Variants in FBXL17 observed in about 807,000 individuals in gnomAD.
FBXL17 encodes F-box and leucine rich repeat protein 17, also known as F-box/LRR-repeat protein 17.
Under a neutral mutation model 66.2 loss-of-function variants are expected in FBXL17, and 22 were observed. The ratio of observed to expected loss-of-function variants is 0.33; its 90% CI spans 0.24 to 0.47. The LOEUF (loss-of-function observed/expected upper bound fraction) is 0.47, where lower values mean the gene tolerates loss of function less well. Ranked by LOEUF, FBXL17 falls within the 20% of genes least tolerant of loss-of-function variation. FBXL17 has a pLI of 1.00. For synonymous variants in FBXL17, 474 were observed against 400.5 expected, an observed-to-expected ratio of 1.18 and a Z score of -2.19; for missense variants, 878 against 948.2, an observed-to-expected ratio of 0.93 and a Z score of 0.97.
chr5:108,259,486 C>T (rs1019599769), intron 4 of FBXL17, among the ~76,000 whole-genome samples: 1 of 152,172 alleles, frequency 6.6e-6, no homozygotes, highest in African/African-American at 2.4e-5. Context: ...GACCTGCCAG[C>T]TGCTGGCTGT....
In FBXL17 at chr5:107,861,580, G is replaced by T; in HGVS notation, c.*140C>A. 1 of 731,020 alleles carries T rather than the reference G, an allele frequency of 1.4e-6. No homozygotes were observed. Among genetic ancestry groups the T allele is most frequent in the Non-Finnish European group, 1.9e-6 (1 of 526,852 alleles). 45.3% of individuals were successfully genotyped at this position (731,020 alleles called of 1,614,324 possible). ...CAACTGCACTTTTGGTATGCAGTAT[G>T]CAAACAAGACACAAATACACATACT... On this transcript the variant is annotated 3_prime_UTR_variant, in exon 9 of 9. Coordinates refer to ENST00000542267, the MANE Select transcript of FBXL17 (RefSeq NM_001163315.3).
chr5:108,279,749 A>C (rs1757627382), intron 4 of FBXL17, among the ~76,000 whole-genome samples: 1 of 152,008 alleles, frequency 6.6e-6, no homozygotes, highest in African/African-American at 2.4e-5. Context: ...ATTAATGAAA[A>C]ATTTACCAAC....
At chr5:107,975,863 T>TC (rs869062949) in intron 7 of FBXL17, among the ~76,000 whole-genome samples, 1 of 26,684 alleles carries the variant, frequency 3.7e-5, no homozygotes, top group African/African-American at 1.4e-4. Flanking sequence ...TGTTGTTTTT[T>TC]TTTTTTTTTT....
intron 5 of FBXL17, among the ~76,000 whole-genome samples, chr5:108,216,205 A>G (rs897317762): frequency 1.3e-5 from 2 of 152,044 alleles, no homozygotes; most frequent in African/African-American, 2.4e-5. Context: ...AATAATTTCA[A>G]TATCAGATTT....
chr5:107,918,141 G>T (rs1750195092), intron 7 of FBXL17, among the ~76,000 whole-genome samples: 1 of 152,162 alleles, frequency 6.6e-6, no homozygotes, highest in African/African-American at 2.4e-5. Flanking sequence ...CCTCAGGAAT[G>T]CAGGCAGCTC....
intron 7 of FBXL17, among the ~76,000 whole-genome samples, chr5:107,941,310 T>G (rs1369291215): frequency 6.6e-6 from 1 of 152,186 alleles, no homozygotes; most frequent in Non-Finnish European, 1.5e-5. Flanking sequence ...TGATTCTCTA[T>G]CATTGCATCT....
At chr5:107,991,020 TTACAGA>T (rs1465261918) in intron 7 of FBXL17, among the ~76,000 whole-genome samples, 3 of 112,496 alleles carry the variant, frequency 2.7e-5, no homozygotes, top group Non-Finnish European at 6.1e-5. Context: ...AAAGGGCTAG[TTACAGA>T]CATAAACGCA....
At chr5:108,192,184 C>T (rs1451374864) in intron 5 of FBXL17, among the ~76,000 whole-genome samples, 1 of 152,108 alleles carries the variant, frequency 6.6e-6, no homozygotes, top group Non-Finnish European at 1.5e-5. Context: ...TAAAATAATC[C>T]TTCATAGTCT....
At chr5:108,227,888 A>G (rs1043138856) in intron 4 of FBXL17, among the ~76,000 whole-genome samples, 6 of 152,194 alleles carry the variant, frequency 3.9e-5, no homozygotes, top group African/African-American at 1.4e-4. Context: ...AATCACTATT[A>G]AAAACAAAAA....
intron 6 of FBXL17, among the ~76,000 whole-genome samples, chr5:108,096,010 G>C (rs1749353370): frequency 6.6e-6 from 1 of 152,146 alleles, no homozygotes; most frequent in Non-Finnish European, 1.5e-5. Context: ...TGTTTAAACA[G>C]CATGATTACC....
intron 7 of FBXL17, among the ~76,000 whole-genome samples, chr5:107,970,874 A>C (rs1297163678): frequency 1.3e-5 from 2 of 152,152 alleles, no homozygotes; most frequent in Admixed American, 1.3e-4. Flanking sequence ...CCAGAGAAAA[A>C]TGTTGCTCTG....
chr5:108,354,843 G>A (rs149139639), intron 3 of FBXL17, among the ~76,000 whole-genome samples: 125 of 151,770 alleles, frequency 8.2e-4, no homozygotes, highest in African/African-American at 2.8e-3. Flanking sequence ...TAGAAACCAC[G>A]CAATCAAGAA....
intron 1 of FBXL17, among the ~76,000 whole-genome samples, chr5:108,372,122 C>T (rs747461297): frequency 4.6e-5 from 7 of 152,214 alleles, no homozygotes; most frequent in Non-Finnish European, 8.8e-5. Flanking sequence ...TGTCCAAGTG[C>T]CACCAAATGA....
chr5:108,005,956 C>T (rs1435616894), intron 7 of FBXL17, among the ~76,000 whole-genome samples: 3 of 152,136 alleles, frequency 2.0e-5, no homozygotes, highest in African/African-American at 4.8e-5. Flanking sequence ...CTGGGTGAAC[C>T]GTGACGTGGG....
At chr5:108,287,527 A>C (rs1177059472) in intron 4 of FBXL17, among the ~76,000 whole-genome samples, 1 of 152,130 alleles carries the variant, frequency 6.6e-6, no homozygotes, top group African/African-American at 2.4e-5. Context: ...GCTCAACATC[A>C]CTAATCATTA....
chr5:108,123,912 G>A lies in FBXL17; in HGVS notation c.1745+62205C>T, dbSNP rs143833282. On this transcript the variant is annotated intron_variant, in intron 6 of 8. Coordinates refer to ENST00000542267, the MANE Select transcript of FBXL17 (RefSeq NM_001163315.3). ...GAATTTTAATTCCCACGGAACCTAC[G>A]GCTGAGAGTTCTTCTCTTGATCCCA... is the stretch of plus-strand genomic sequence containing the variant. 3.2e-3 allele frequency among the ~76,000 whole-genome samples: 485 copies of A among 152,136 alleles called. 2 individuals are homozygous for A. The highest frequency in any genetic ancestry group is 0.011 in the African/African-American group (460 of 41,528).
chr5:107,913,001 A>C (rs190761826), intron 7 of FBXL17, among the ~76,000 whole-genome samples: 44 of 152,296 alleles, frequency 2.9e-4, no homozygotes, highest in Admixed American at 2.6e-3. Flanking sequence ...CAGTGGCTTA[A>C]CTAGGGTGGG....
chr5:108,358,140 C>A (rs114746237), intron 3 of FBXL17, among the ~76,000 whole-genome samples: 2,055 of 152,226 alleles, frequency 0.013, 18 homozygotes, highest in Non-Finnish European at 0.022. Flanking sequence ...AATAGTTTTA[C>A]TTCTTCCTTT....
At position 108,195,236 on chromosome 5, in the gene FBXL17, C is replaced by T. The variant is rs978929043; in HGVS notation, c.1615-8989G>A. Among the ~76,000 whole-genome samples the T allele has an allele frequency of 3.3e-5, 5 of 152,030 alleles. No individual in the cohort carries two copies. In the East Asian group the frequency reaches 7.7e-4, roughly 24 times the overall value. The stretch of plus-strand genomic sequence containing the variant: ...ATAGAGAAAAATAAAGCAAGACAAG[C>T]TGGATGGAAAAGAGAGGGAGGGAAG... On this transcript the variant is annotated intron_variant, in intron 5 of 8. Coordinates refer to ENST00000542267, the MANE Select transcript of FBXL17 (RefSeq NM_001163315.3).
Sources: gnomAD v4.1 joint callset for allele counts (sites outside exome capture counted in the v4.1 genomes callset) on GRCh38, gnomAD v4.1.1 for gene constraint, MANE v1.5 for transcripts, NCBI Gene and HGNC (gene_info 2026-07-23, HGNC 2026-07-21) for gene names.